The following PRKCZ variants were observed in gnomAD, a reference collection of about 807,000 sequenced individuals.
The protein encoded by PRKCZ is protein kinase C zeta type.
In PRKCZ, 33 loss-of-function variants were observed where a neutral mutation model predicts 79.5. The ratio of observed to expected loss-of-function variants is 0.41; its 90% CI spans 0.31 to 0.55. The LOEUF (loss-of-function observed/expected upper bound fraction) is 0.55, where lower values mean the gene tolerates loss of function less well. Among genes scored for constraint, PRKCZ ranks in the 20% least tolerant of loss-of-function variants. The pLI, the probability that PRKCZ is intolerant of heterozygous loss-of-function variation, is 0.19. For synonymous variants in PRKCZ, 342 were observed against 320.9 expected, an observed-to-expected ratio of 1.07 and a Z score of -0.70; for missense variants, 578 against 813.5, an observed-to-expected ratio of 0.71 and a Z score of 3.52.
rs188792478 is a variant in PRKCZ, at chr1:2,138,482, G to A, written c.420+3135G>A. Reference sequence around the variant, plus strand: ...GAACAGAACTGCTGGGTCAGAGCTGGCCCAGGGCTGAGCACTTCTTGCAGA... The same window carrying A: ...GAACAGAACTGCTGGGTCAGAGCTGACCCAGGGCTGAGCACTTCTTGCAGA... On this transcript the variant is annotated intron_variant, in intron 5 of 17. Transcript: ENST00000378567. 7.6e-4 allele frequency among the ~76,000 whole-genome samples: 116 copies of A among 152,296 alleles called. 1 individual carries two copies. Among genetic ancestry groups the A allele is most frequent in the Non-Finnish European group, 1.4e-3 (97 of 68,020 alleles).
Position 2,178,879 on chromosome 1 carries a change from G to GC in PRKCZ, c.1575+3572dup, listed in dbSNP as rs986987342. On this transcript the variant is annotated intron_variant, in intron 16 of 17. Transcript: ENST00000378567. This position sits in a 1 kb window ranked among gnomAD's most constrained non-coding sequence, Gnocchi z 4.3. Reference sequence around the variant, plus strand: ...TGGATGGTGAAAGGACACAGTGCCCGCCCCCCGAGTGTCCGAGGGTAGAGC... The same window carrying GC: ...TGGATGGTGAAAGGACACAGTGCCCGCCCCCCCGAGTGTCCGAGGGTAGAGC... 3.3e-5 allele frequency among the ~76,000 whole-genome samples: 5 copies of GC among 152,154 alleles called. No individual in the cohort carries two copies. Among genetic ancestry groups the GC allele is most frequent in the African/African-American group, 7.2e-5 (3 of 41,440 alleles).
intron 4 of PRKCZ, among the ~76,000 whole-genome samples, chr1:2,118,160 T>C (rs3107148): frequency 0.66 from 99,362 of 149,928 alleles, 33,362 homozygotes; most frequent in African/African-American, 0.8. Flanking sequence ...CCACGCCTGG[T>C]TAATTTTTGT....
chr1:2,122,568 CGTGGTGGTTAGGGTT>C (rs1342501837), intron 4 of PRKCZ, among the ~76,000 whole-genome samples: 1 of 4,762 alleles, frequency 2.1e-4, no homozygotes, highest in African/African-American at 2.3e-3. Flanking sequence ...TGGTTAGGGT[CGTGGTGGTTAGGGTT>C]GTGGTGGTTA....
intron 4 of PRKCZ, among the ~76,000 whole-genome samples, chr1:2,061,389 A>G (rs765849545): frequency 1.4e-5 from 2 of 145,348 alleles, no homozygotes; most frequent in Non-Finnish European, 3.0e-5. Flanking sequence ...TTGCTCGGCC[A>G]CTGCAGTGGA....
chr1:2,054,388 C>A (rs1009978103), intron 1 of PRKCZ, among the ~76,000 whole-genome samples: 4 of 152,258 alleles, frequency 2.6e-5, no homozygotes, highest in Middle Eastern at 6.8e-3. Context: ...CTCCCCTCCA[C>A]GCAGGGTGAG....
At chr1:2,105,054 C>T (rs1668139180) in intron 4 of PRKCZ, among the ~76,000 whole-genome samples, 1 of 152,184 alleles carries the variant, frequency 6.6e-6, no homozygotes, top group East Asian at 1.9e-4. Flanking sequence ...CTTGCATAGC[C>T]AACATTGTTG....
chr1:2,084,285 T>C (rs1006089755), intron 4 of PRKCZ, among the ~76,000 whole-genome samples: 15 of 152,170 alleles, frequency 9.9e-5, no homozygotes, highest in African/African-American at 3.4e-4. Flanking sequence ...TTAGGAAATA[T>C]TGCTCCACTG....
chr1:2,167,931 C>A (rs56377167), intron 10 of PRKCZ, among the ~76,000 whole-genome samples: 6 of 152,126 alleles, frequency 3.9e-5, no homozygotes, highest in Admixed American at 6.5e-5. Flanking sequence ...TGAATAAATT[C>A]TTTCTTAACG....
At chr1:2,059,863 G>A (rs1105099) in intron 4 of PRKCZ, among the ~76,000 whole-genome samples, 25,663 of 152,140 alleles carry the variant, frequency 0.17, 2,668 homozygotes, top group East Asian at 0.46. Flanking sequence ...TAGGAGGGAG[G>A]GGCCAGGTGG....
intron 4 of PRKCZ, chr1:2,104,947 T>C: frequency 1.0e-6 from 1 of 984,790 alleles, no homozygotes; most frequent in South Asian, 4.7e-5. Flanking sequence ...AGGCCTTTTA[T>C]TCAGGAGGGC....
At chr1:2,169,346 G>A (rs1051571456) in intron 10 of PRKCZ, 172 bp from the exon 11 acceptor site, 11 of 677,870 alleles carry the variant, frequency 1.6e-5, no homozygotes, top group Middle Eastern at 2.4e-4. Context: ...CCCGCAGCCC[G>A]TCCCCACCAG....
chr1:2,156,061 G>T lies in PRKCZ; in HGVS notation c.943G>T (p.Gly315Ter), dbSNP rs200606709. 1 of 1,613,786 alleles carries T rather than the reference G, an allele frequency of 6.2e-7. No individual in the cohort carries two copies. Among genetic ancestry groups the T allele is most frequent in the Admixed American group, 1.7e-5 (1 of 60,004 alleles). The part of the protein sequence containing the change: ...EQASSNPFLV[G>*]LHSCFQTTSR... Reference sequence around the variant, plus strand: ...GGCATCCAGCAACCCCTTCCTGGTCGGATTACACTCCTGCTTCCAGACGAC... The same window carrying T: ...GGCATCCAGCAACCCCTTCCTGGTCTGATTACACTCCTGCTTCCAGACGAC... Residue 315 changes from glycine to a stop codon, truncating the protein, a stop_gained, in exon 10 of 18, where the codon GGA becomes TGA. Coordinates refer to ENST00000378567, the MANE Select transcript of PRKCZ (RefSeq NM_002744.6). LOFTEE classifies it high-confidence loss of function.
At chr1:2,154,764 T>C (rs952776935) in intron 9 of PRKCZ, among the ~76,000 whole-genome samples, 7 of 152,340 alleles carry the variant, frequency 4.6e-5, no homozygotes, top group African/African-American at 1.7e-4. Context: ...AGCTCTACTT[T>C]CTGGGGTCAA....
At chr1:2,118,314 G>C (rs558622439) in intron 4 of PRKCZ, among the ~76,000 whole-genome samples, 1 of 145,112 alleles carries the variant, frequency 6.9e-6, no homozygotes, top group South Asian at 2.2e-4. Flanking sequence ...CCTTTTGATT[G>C]ATGCTTTTAT....
rs956550624 is a variant in PRKCZ, at chr1:2,060,963, G to A, written c.334+1372G>A. Among the ~76,000 whole-genome samples, 6 of 152,324 alleles carry A rather than the reference G, an allele frequency of 3.9e-5. No homozygotes were observed. In the South Asian group the frequency reaches 1.0e-3, roughly 26 times the overall value. The stretch of plus-strand genomic sequence containing the variant: ...GACCCTGGAGCACGCACCCTGGGAG[G>A]GCACGGTTCACTGCGTTTTTATAGA... On this transcript the variant is annotated intron_variant, in intron 4 of 17. Coordinates refer to ENST00000378567, the MANE Select transcript of PRKCZ (RefSeq NM_002744.6).
intron 10 of PRKCZ, among the ~76,000 whole-genome samples, chr1:2,158,676 A>G (rs1681598885): frequency 6.6e-6 from 1 of 152,174 alleles, no homozygotes. Context: ...GTGAACTTGT[A>G]GGGATGTAGA....
chr1:2,173,932 A>G lies in PRKCZ; in HGVS notation c.1321A>G (p.Met441Val), dbSNP rs1370137352. ...GGACTGGTGGGCGCTGGGAGTCCTC[A>G]TGTTTGAGATGATGGCCGGGCGCTC... ...SVDWWALGVL[M>V]FEMMAGRSPF... Residue 441 changes from methionine to valine, a missense_variant, in exon 14 of 18, where the codon ATG (methionine) becomes GTG (valine). Met to Val is a conservative substitution (Grantham distance 21). Coordinates refer to ENST00000378567, the MANE Select transcript of PRKCZ (RefSeq NM_002744.6). The surrounding 1 kb of genome is among the most constrained non-coding windows in gnomAD (Gnocchi z 5.7). The G allele has an allele frequency of 1.2e-6, 2 of 1,612,400 alleles. No individual in the cohort carries two copies.
At chr1:2,065,539 C>T (rs1042194701) in intron 4 of PRKCZ, among the ~76,000 whole-genome samples, 10 of 152,190 alleles carry the variant, frequency 6.6e-5, no homozygotes, top group South Asian at 4.2e-4. Context: ...ATTATCCGGG[C>T]GTGGTTGCAG....
At position 2,173,747 on chromosome 1, in the gene PRKCZ, G is replaced by A; in HGVS notation, c.1286-150G>A. 1 of 1,166,122 alleles carries A rather than the reference G, an allele frequency of 8.6e-7. No individual in the cohort carries two copies. Among genetic ancestry groups the A allele is most frequent in the Non-Finnish European group, 1.2e-6 (1 of 852,992 alleles). The allele number at this position is 1,166,122 out of a possible 1,614,324, so 72.2% of individuals were successfully genotyped here. ...CCAGGTGGAGGTGCTGGTTCTGTTT[G>A]GGAAGTGGAAGTCACAGAGGCCTGT... On this transcript the variant is annotated intron_variant, in intron 13 of 17. Coordinates refer to ENST00000378567, the MANE Select transcript of PRKCZ (RefSeq NM_002744.6). This position sits in a 1 kb window ranked among gnomAD's most constrained non-coding sequence, Gnocchi z 5.7.
Sources: gnomAD v4.1 joint callset for allele counts (sites outside exome capture counted in the v4.1 genomes callset) on GRCh38, gnomAD v4.1.1 for gene constraint, Gnocchi (gnomAD v3.1) non-coding constraint, MANE v1.5 for transcripts, NCBI Gene and HGNC (gene_info 2026-07-23, HGNC 2026-07-21) for gene names.